CASD1: variants seen among roughly 807,000 people sequenced by gnomAD.
The protein encoded by CASD1 is CAS1 domain sialic acid O acetyltransferase 1.
Under a neutral mutation model 100.0 loss-of-function variants are expected in CASD1, and 41 were observed. The ratio of observed to expected loss-of-function variants is 0.41; its 90% CI spans 0.32 to 0.53. The LOEUF (loss-of-function observed/expected upper bound fraction) is 0.53, where lower values mean the gene tolerates loss of function less well. CASD1 is among the 20% of genes least tolerant of loss of function. CASD1 has a pLI of 0.25. For missense variants in CASD1, 774 were observed against 948.7 expected, an observed-to-expected ratio of 0.82 and a Z score of 2.42; for synonymous variants, 321 against 315.6, an observed-to-expected ratio of 1.02 and a Z score of -0.18.
chr7:94,558,507 A>G (rs1198843590), downstream of CASD1, among the ~76,000 whole-genome samples: 1 of 152,174 alleles, frequency 6.6e-6, no homozygotes, highest in Non-Finnish European at 1.5e-5. Flanking sequence ...TGAAGACTGA[A>G]ATAAAGATTG....
the CASD1 span, among the ~76,000 whole-genome samples, chr7:94,604,851 A>ATATT: frequency 4.9e-5 from 5 of 102,488 alleles, no homozygotes; most frequent in East Asian, 1.6e-3. Context: ...ATATATATAT[A>ATATT]TATATATAAT....
At chr7:94,532,613 G>T (rs1174072227) in intron 5 of CASD1, among the ~76,000 whole-genome samples, 1 of 152,098 alleles carries the variant, frequency 6.6e-6, no homozygotes, top group Non-Finnish European at 1.5e-5. Context: ...ATTGACTATG[G>T]GTAACTGAAA....
At chr7:94,613,915 C>A in the CASD1 span, among the ~76,000 whole-genome samples, 1 of 151,804 alleles carries the variant, frequency 6.6e-6, no homozygotes, top group African/African-American at 2.4e-5. Context: ...TGCAATTAAT[C>A]AATCAAAAAG....
At chr7:94,529,677 C>T (rs1051725332) in intron 5 of CASD1, among the ~76,000 whole-genome samples, 1 of 152,126 alleles carries the variant, frequency 6.6e-6, no homozygotes. Context: ...GAATTAGCTC[C>T]AGTCTCAGCC....
intron 12 of CASD1, among the ~76,000 whole-genome samples, chr7:94,545,994 CTG>C (rs1795658442): frequency 6.6e-6 from 1 of 151,898 alleles, no homozygotes; most frequent in African/African-American, 2.4e-5. Flanking sequence ...AGTTTTTAAA[CTG>C]TCTTCTTATA....
chr7:94,545,470 G>A, intron 11 of CASD1, 75 bp from the exon 12 acceptor site: 1 of 1,100,006 alleles, frequency 9.1e-7, no homozygotes, highest in South Asian at 1.5e-5. Flanking sequence ...GAGAAAATCT[G>A]CCTTTGCTGT....
chr7:94,605,469 A>G, the CASD1 span, among the ~76,000 whole-genome samples: 1 of 150,700 alleles, frequency 6.6e-6, no homozygotes, highest in East Asian at 1.9e-4. Flanking sequence ...GTATATATCT[A>G]CATATATGTT....
chr7:94,573,789 G>A, the CASD1 span, among the ~76,000 whole-genome samples: 2 of 152,242 alleles, frequency 1.3e-5, no homozygotes, highest in African/African-American at 4.8e-5. Flanking sequence ...ATGAGAGAGG[G>A]AATTCTTGTC....
chr7:94,571,952 CA>C, the CASD1 span, among the ~76,000 whole-genome samples: 15 of 151,960 alleles, frequency 9.9e-5, no homozygotes, highest in East Asian at 2.1e-3. Context: ...CAGATCTTCC[CA>C]AACTAGGGGG....
intron 8 of CASD1, among the ~76,000 whole-genome samples, chr7:94,537,152 A>G (rs1467908518): frequency 1.3e-5 from 2 of 152,032 alleles, no homozygotes; most frequent in South Asian, 2.1e-4. Context: ...TTGGGAAGAA[A>G]AAAAAAAAGG....
the CASD1 span, among the ~76,000 whole-genome samples, chr7:94,590,257 T>G: frequency 6.6e-6 from 1 of 152,162 alleles, no homozygotes; most frequent in African/African-American, 2.4e-5. Context: ...GTTATTAAAA[T>G]TTTTAACATA....
the CASD1 span, chr7:94,628,165 T>C: frequency 2.1e-4 from 269 of 1,285,462 alleles, no homozygotes; most frequent in South Asian, 4.6e-4. Flanking sequence ...CACACACACA[T>C]ATATGTATAG....
At chr7:94,518,806 A>T (rs1451919560) in intron 3 of CASD1, among the ~76,000 whole-genome samples, 4 of 152,138 alleles carry the variant, frequency 2.6e-5, no homozygotes, top group Admixed American at 6.5e-5. Context: ...TATTGAGTGG[A>T]TATAATGTAA....
Position 94,555,667 on chromosome 7 carries a change from A to T in CASD1, c.2303A>T (p.Asn768Ile), listed in dbSNP as rs146004491. The T allele has an allele frequency of 2.9e-5, 46 of 1,613,114 alleles. No homozygotes were observed. The highest frequency in any genetic ancestry group is 3.9e-5 in the Non-Finnish European group (46 of 1,179,546). The change falls in exon 18 of 18, where the codon AAC (asparagine) becomes ATC (isoleucine). Residue 768 changes from asparagine to isoleucine, a missense_variant. Around this residue, in one of 5 missense-constraint regions of CASD1, gnomAD observed 175 missense variants for 206.9 expected, o/e 0.85. Coordinates refer to ENST00000297273, the MANE Select transcript of CASD1 (RefSeq NM_022900.5). ...GCACAGATTATTATTCCTAAAGATA[A>T]CTCATCTCTCTTGAAAAGGTTGGCA... The part of the protein sequence containing the change: ...DLAQIIIPKD[N>I]SSLLKRLACI...
chr7:94,575,942 A>G, the CASD1 span, among the ~76,000 whole-genome samples: 4 of 152,196 alleles, frequency 2.6e-5, no homozygotes, highest in East Asian at 1.9e-4. Flanking sequence ...TAGTTTGATC[A>G]TGATGTGTCT....
intron 3 of CASD1, among the ~76,000 whole-genome samples, chr7:94,522,329 G>A (rs1208753571): frequency 6.6e-6 from 1 of 152,204 alleles, no homozygotes; most frequent in Non-Finnish European, 1.5e-5. Context: ...TAAGGCAAAA[G>A]CATTTTCAGG....
intron 6 of CASD1, 96 bp from the exon 7 acceptor site, chr7:94,533,583 A>G: frequency 1.1e-6 from 1 of 885,550 alleles, no homozygotes; most frequent in Non-Finnish European, 1.6e-6. Context: ...AATGAGAAAT[A>G]TCTAAAATAA....
At chr7:94,624,114 T>G in the CASD1 span, 1 of 396,618 alleles carries the variant, frequency 2.5e-6, no homozygotes, top group East Asian at 3.6e-5. Flanking sequence ...TAAGGCCTAT[T>G]TAACTTTATA....
chr7:94,617,680 A>C, the CASD1 span: 1 of 152,242 alleles, frequency 6.6e-6, no homozygotes, highest in African/African-American at 2.4e-5. Context: ...AAGGACTTCT[A>C]TGTATGCTTG....
Sources: allele counts gnomAD v4.1 joint callset (sites outside exome capture counted in the v4.1 genomes callset), GRCh38; gene constraint gnomAD v4.1.1; regional missense constraint gnomAD v4.1.1; transcripts MANE v1.5; gene names NCBI Gene and HGNC (gene_info 2026-07-23, HGNC 2026-07-21).